The following EAF2 variants were observed in gnomAD, a reference collection of about 807,000 sequenced individuals.
The protein encoded by EAF2 is ELL-associated factor 2.
A neutral mutation model predicts 29.4 loss-of-function variants in EAF2; 29 were observed. That is an observed-to-expected ratio of 0.99 (90% CI 0.73 to 1.35). EAF2 has a LOEUF of 1.35. EAF2 is among the 40% of genes most tolerant of loss of function. EAF2 has a pLI of 0.00. For synonymous variants in EAF2, 103 were observed against 102.5 expected (o/e 1.00, Z -0.03); for missense variants, 292 against 312.0 (o/e 0.94, Z 0.48).
chr3:121,850,185 TGTCTATTCA>T (rs1344071114), intron 2 of EAF2, among the ~76,000 whole-genome samples: 1 of 151,754 alleles, frequency 6.6e-6, no homozygotes, highest in Non-Finnish European at 1.5e-5. Context: ...GGGAGAATAC[TGTCTATTCA>T]GTCTATTCAC....
At chr3:121,860,253 C>T (rs937316035) in intron 4 of EAF2, among the ~76,000 whole-genome samples, 17 of 152,066 alleles carry the variant, frequency 1.1e-4, no homozygotes, top group African/African-American at 2.9e-4. Flanking sequence ...TGATACCAGC[C>T]CCTCTTTCTA....
rs1295000801 is a variant in EAF2, at chr3:121,838,325, T to C, written c.106+2934T>C. Among the ~76,000 whole-genome samples, 7 of 152,272 alleles carry C rather than the reference T, an allele frequency of 4.6e-5. No individual in the cohort carries two copies. The East Asian group carries it at 1.3e-3, about 29-fold the overall frequency. The stretch of plus-strand genomic sequence containing the variant: ...CCAAGGAGAACTGAGAAATGAACTA[T>C]TTAGTCTGGAATCATAGCAACTTGG... On this transcript the variant is annotated intron_variant, in intron 1 of 5. Transcript: ENST00000273668.
At chr3:121,864,220 ATAT>A (rs1483771182) in intron 4 of EAF2, among the ~76,000 whole-genome samples, 2 of 152,188 alleles carry the variant, frequency 1.3e-5, no homozygotes, top group East Asian at 3.8e-4. Context: ...TCACTAAAGC[ATAT>A]TTGCTTCTAC....
chr3:121,883,194 A>G (rs1002924808), intron 5 of EAF2, among the ~76,000 whole-genome samples: 10 of 152,184 alleles, frequency 6.6e-5, no homozygotes, highest in African/African-American at 2.4e-4. Flanking sequence ...AACTCATATT[A>G]TCAACAATTT....
Position 121,884,553 on chromosome 3 carries a change from G to A in EAF2, c.737-1789G>A, listed in dbSNP as rs1464060152. 4.6e-5 allele frequency among the ~76,000 whole-genome samples: 7 copies of A among 151,418 alleles called. No homozygotes were observed. The East Asian group carries it at 6.0e-4, about 13-fold the overall frequency. ...AGTGATTCTCCTGCCTCAGCCTCCCGAGTAGCTGGGACTACAGGCATGTGC... is the reference window on the plus strand; with the variant it reads ...AGTGATTCTCCTGCCTCAGCCTCCCAAGTAGCTGGGACTACAGGCATGTGC... On this transcript the variant is annotated intron_variant, in intron 5 of 5. Coordinates refer to ENST00000273668, the MANE Select transcript of EAF2 (RefSeq NM_018456.6).
intron 1 of EAF2, among the ~76,000 whole-genome samples, chr3:121,839,017 T>A (rs1559815288): frequency 6.6e-6 from 1 of 152,166 alleles, no homozygotes. Flanking sequence ...AACCCAAAAT[T>A]TTTTTTGTGA....
intron 1 of EAF2, chr3:121,837,524 A>G (rs1708326361): frequency 6.6e-6 from 1 of 152,182 alleles, no homozygotes; most frequent in South Asian, 2.1e-4. Flanking sequence ...AACATTCTCT[A>G]AGCTCTCAAC....
intron 5 of EAF2, among the ~76,000 whole-genome samples, chr3:121,882,006 T>C (rs1709197947): frequency 6.6e-6 from 1 of 152,146 alleles, no homozygotes; most frequent in African/African-American, 2.4e-5. Context: ...CATATGATCA[T>C]TTCAACAAAT....
At position 121,835,239 on chromosome 3, in the gene EAF2, A is replaced by T. The variant is rs529248225; in HGVS notation, c.-47A>T. 1 of 1,577,564 alleles carries T rather than the reference A, an allele frequency of 6.3e-7. No individual in the cohort carries two copies. The highest frequency in any genetic ancestry group is 2.2e-5 in the East Asian group (1 of 44,648). On this transcript the variant is annotated 5_prime_UTR_variant, in exon 1 of 6. Transcript: ENST00000273668. ...CAGCTGCTTCAGGCTGAGGTGGCAG[A>T]TAGTGAGCGCTGGTGGCGGAGTTAA... is the stretch of plus-strand genomic sequence containing the variant.
intron 5 of EAF2, among the ~76,000 whole-genome samples, chr3:121,877,080 C>A (rs1709111121): frequency 1.3e-5 from 2 of 151,994 alleles, no homozygotes; most frequent in African/African-American, 4.8e-5. Flanking sequence ...AGAAATAATA[C>A]ACTTTAAGGC....
intron 3 of EAF2, among the ~76,000 whole-genome samples, chr3:121,855,415 G>T (rs899174772): frequency 1.1e-4 from 16 of 152,216 alleles, no homozygotes; most frequent in African/African-American, 2.9e-4. Context: ...AGTAATGGTA[G>T]ATTGGAAAAT....
chr3:121,854,581 T>C, intron 2 of EAF2, 106 bp from the exon 3 acceptor site: 6 of 934,388 alleles, frequency 6.4e-6, no homozygotes, highest in Admixed American at 3.8e-5. Context: ...TATGGGTGAC[T>C]TGAAGTATAA....
intron 4 of EAF2, among the ~76,000 whole-genome samples, chr3:121,864,744 G>A (rs28667118): frequency 0.035 from 5,315 of 152,116 alleles, 322 homozygotes; most frequent in African/African-American, 0.12. Flanking sequence ...TGAGCATGGG[G>A]AGGTCAAGCC....
chr3:121,876,819 A>G (rs544886845), intron 5 of EAF2, among the ~76,000 whole-genome samples: 1 of 151,976 alleles, frequency 6.6e-6, no homozygotes, highest in Non-Finnish European at 1.5e-5. Context: ...GCAGAGAAGG[A>G]GAAGTGAAAG....
rs533150054 is a variant in EAF2, at chr3:121,836,336, T to C, written c.106+945T>C. On this transcript the variant is annotated intron_variant, in intron 1 of 5. Transcript: ENST00000273668. ...ATTCCGCCTTTCTCAGTCATTCTGTTCTCGGGTTGTTTAGAGACCTTTATG... is the reference window on the plus strand; with the variant it reads ...ATTCCGCCTTTCTCAGTCATTCTGTCCTCGGGTTGTTTAGAGACCTTTATG... 2.0e-5 allele frequency: 3 copies of C among 152,320 alleles called. No individual in the cohort carries two copies. The East Asian group carries it at 5.8e-4, about 29-fold the overall frequency. 9.4% of individuals were successfully genotyped at this position (152,320 alleles called of 1,614,324 possible).
chr3:121,879,407 A>G (rs531364239), intron 5 of EAF2, among the ~76,000 whole-genome samples: 7 of 152,036 alleles, frequency 4.6e-5, no homozygotes, highest in African/African-American at 1.7e-4. Context: ...CCACTTGTCT[A>G]CTTTTACTTT....
At chr3:121,840,505 A>AG (rs920808588) in intron 1 of EAF2, among the ~76,000 whole-genome samples, 1 of 71,234 alleles carries the variant, frequency 1.4e-5, no homozygotes, top group Non-Finnish European at 3.0e-5. Flanking sequence ...AAAAAAAAAA[A>AG]AAAGAAAAAA....
intron 2 of EAF2, 53 bp from the exon 3 acceptor site, chr3:121,854,634 C>T: frequency 7.1e-7 from 1 of 1,403,912 alleles, no homozygotes; most frequent in Middle Eastern, 2.2e-4. Context: ...AAGGCCTTCC[C>T]AAGTGAATTC....
At chr3:121,867,346 T>A (rs945690466) in intron 4 of EAF2, among the ~76,000 whole-genome samples, 6 of 152,060 alleles carry the variant, frequency 3.9e-5, no homozygotes, top group Non-Finnish European at 8.8e-5. Flanking sequence ...CCAAGGTACA[T>A]CATAATGAAA....
Sources: gnomAD v4.1 joint callset for allele counts (sites outside exome capture counted in the v4.1 genomes callset) on GRCh38, gnomAD v4.1.1 for gene constraint, MANE v1.5 for transcripts, NCBI Gene and HGNC (gene_info 2026-07-23, HGNC 2026-07-21) for gene names.